Variants in CUTC observed in about 807,000 individuals in gnomAD.
The protein encoded by CUTC is copper homeostasis protein cutC homolog.
CUTC carries 27 observed loss-of-function variants against 36.2 expected under a neutral mutation model. That is an observed-to-expected ratio of 0.75 (90% CI 0.55 to 1.03). CUTC has a LOEUF of 1.03. Ranked by LOEUF, CUTC falls within the 50% of genes least tolerant of loss-of-function variation. The pLI, the probability that CUTC is intolerant of heterozygous loss-of-function variation, is 0.00. For synonymous variants in CUTC, 114 were observed against 118.3 expected (o/e 0.96, Z 0.24); for missense variants, 315 against 343.5 (o/e 0.92, Z 0.66).
chr10:99,749,100 T>C (rs1184933548), intron 6 of CUTC, among the ~76,000 whole-genome samples: 4 of 152,196 alleles, frequency 2.6e-5, no homozygotes, highest in African/African-American at 9.6e-5. Context: ...TGTGTGTGTG[T>C]ATGTCTGTTA....
intron 7 of CUTC, among the ~76,000 whole-genome samples, chr10:99,753,854 T>C (rs941097160): frequency 6.6e-6 from 1 of 152,230 alleles, no homozygotes; most frequent in Non-Finnish European, 1.5e-5. Flanking sequence ...TTTTAAAATA[T>C]TGAGTACATC....
intron 3 of CUTC, among the ~76,000 whole-genome samples, chr10:99,742,443 G>A (rs1312771163): frequency 6.6e-6 from 1 of 152,140 alleles, no homozygotes; most frequent in Non-Finnish European, 1.5e-5. Context: ...GTAAATTTGA[G>A]TACAGTCTGT....
At chr10:99,735,101 C>CAAAAAAAAAAAAAAAAAAAAAAAA in intron 1 of CUTC, among the ~76,000 whole-genome samples, 1 of 68,770 alleles carries the variant, frequency 1.5e-5, no homozygotes, top group Non-Finnish European at 2.5e-5. Context: ...GACTCTGTAT[C>CAAAAAAAAAAAAAAAAAAAAAAAA]AAAAAAAAAA....
chr10:99,742,221 TATTATA>T (rs1468296035), intron 3 of CUTC, among the ~76,000 whole-genome samples: 2 of 152,232 alleles, frequency 1.3e-5, no homozygotes, highest in East Asian at 3.9e-4. Context: ...TTATTATTAT[TATTATA>T]GGTGGGAGGG....
At chr10:99,734,791 A>C (rs2037281174) in intron 1 of CUTC, among the ~76,000 whole-genome samples, 1 of 152,108 alleles carries the variant, frequency 6.6e-6, no homozygotes, top group South Asian at 2.1e-4. Context: ...GTGATGATAA[A>C]GATTTCTCAC....
At chr10:99,754,929 A>G (rs1333979717) in intron 8 of CUTC, among the ~76,000 whole-genome samples, 1 of 152,206 alleles carries the variant, frequency 6.6e-6, no homozygotes, top group Non-Finnish European at 1.5e-5. Flanking sequence ...AGATATGCAC[A>G]TGTGCCCATT....
intron 2 of CUTC, among the ~76,000 whole-genome samples, chr10:99,737,579 G>T (rs1317241892): frequency 6.6e-6 from 1 of 152,140 alleles, no homozygotes. Flanking sequence ...GCAAAACTCT[G>T]TGTATATACT....
rs1358894182 is a variant in CUTC at position 99,732,302 on chromosome 10, A to G, written c.-47A>G. ...CTTAGCTGGTGCGCGCCGGAGCCCA[A>G]ATTCCAAGTGGAAACTGCAGGCGCA... On this transcript the variant is annotated 5_prime_UTR_variant, in exon 1 of 9. Transcript: ENST00000370476. 6.5e-7 allele frequency: 1 copy of G among 1,549,510 alleles called. No individual in the cohort carries two copies.
At chr10:99,736,888 T>C (rs2037301073) in intron 2 of CUTC, among the ~76,000 whole-genome samples, 1 of 152,234 alleles carries the variant, frequency 6.6e-6, no homozygotes, top group African/African-American at 2.4e-5. Flanking sequence ...ATAAACTTTT[T>C]CTGTGAAGAG....
At chr10:99,750,179 A>G (rs570676975) in intron 6 of CUTC, among the ~76,000 whole-genome samples, 190 bp from the exon 7 acceptor site, 34 of 152,220 alleles carry the variant, frequency 2.2e-4, no homozygotes, top group Admixed American at 5.2e-4. Flanking sequence ...TCTAGAGACA[A>G]ATTTACTATG....
At chr10:99,754,428 T>C in intron 7 of CUTC, 101 bp from the exon 8 acceptor site, 4 of 769,338 alleles carry the variant, frequency 5.2e-6, no homozygotes, top group Non-Finnish European at 8.9e-6. Flanking sequence ...CAATGAGAAA[T>C]TCAGTTTGGG....
intron 2 of CUTC, among the ~76,000 whole-genome samples, chr10:99,738,099 C>CA (rs2037311513): frequency 6.6e-6 from 1 of 150,846 alleles, no homozygotes; most frequent in East Asian, 1.9e-4. Context: ...GAGCCGAGAT[C>CA]ACGCCATTGC....
chr10:99,754,567 G>A lies in CUTC; in HGVS notation c.640G>A (p.Glu214Lys), dbSNP rs2037441165. 1 of 1,613,762 alleles carries A rather than the reference G, an allele frequency of 6.2e-7. No homozygotes were observed. The highest frequency in any genetic ancestry group is 8.5e-7 in the Non-Finnish European group (1 of 1,179,754). Residue 214 changes from glutamate to lysine, a missense_variant, in exon 8 of 9, where the codon GAG (glutamate) becomes AAG (lysine). By Grantham distance (56) the Glu-to-Lys change is moderately conservative. Coordinates refer to ENST00000370476, the MANE Select transcript of CUTC (RefSeq NM_015960.3). The stretch of plus-strand genomic sequence containing the variant: ...AGACAGAAATCTACAAAGGATCCTT[G>A]AGGGTTCAGGTGCTACAGAATTCCA... ...ITDRNLQRIL[E>K]GSGATEFHCS...
intron 6 of CUTC, 39 bp from the exon 7 acceptor site, chr10:99,750,330 G>A (rs1011972698): frequency 6.7e-7 from 1 of 1,487,194 alleles, no homozygotes; most frequent in Non-Finnish European, 9.1e-7. Flanking sequence ...TCAAGAGAAA[G>A]ATATTAAAAT....
chr10:99,750,762 A>G (rs1281218698), intron 7 of CUTC, among the ~76,000 whole-genome samples: 1 of 152,164 alleles, frequency 6.6e-6, no homozygotes, highest in Non-Finnish European at 1.5e-5. Context: ...TTTAGGACAA[A>G]TGTCCTAATA....
intron 5 of CUTC, 114 bp from the exon 6 acceptor site, chr10:99,747,143 C>G: frequency 8.5e-7 from 1 of 1,176,650 alleles, no homozygotes; most frequent in Admixed American, 2.4e-5. Context: ...AATAATTGGC[C>G]TTTGTAAGCC....
intron 7 of CUTC, among the ~76,000 whole-genome samples, chr10:99,750,755 A>C (rs2037409603): frequency 6.6e-6 from 1 of 152,190 alleles, no homozygotes; most frequent in African/African-American, 2.4e-5. Flanking sequence ...TATTTTGTTT[A>C]GGACAAATGT....
At chr10:99,745,207 C>A (rs1590120390) in intron 5 of CUTC, among the ~76,000 whole-genome samples, 1 of 152,184 alleles carries the variant, frequency 6.6e-6, no homozygotes, top group African/African-American at 2.4e-5. Flanking sequence ...CTGTTCTGTT[C>A]TTTATTCCAA....
chr10:99,732,430 G>C (rs750608064), intron 1 of CUTC, 21 bp downstream of exon 1: 4 of 1,549,406 alleles, frequency 2.6e-6, no homozygotes, highest in Non-Finnish European at 3.5e-6. Context: ...TGGCGGGGGA[G>C]GGGACGGTCG....
Sources: gnomAD v4.1 joint callset for allele counts (sites outside exome capture counted in the v4.1 genomes callset) on GRCh38, gnomAD v4.1.1 for gene constraint, MANE v1.5 for transcripts, NCBI Gene and HGNC (gene_info 2026-07-23, HGNC 2026-07-21) for gene names.